The following SH3GL2 variants were observed in gnomAD, a reference collection of about 807,000 sequenced individuals.
SH3GL2 encodes SH3 domain containing GRB2 like 2, endophilin A1.
Under a neutral mutation model 46.0 loss-of-function variants are expected in SH3GL2, and 24 were observed. That is an observed-to-expected ratio of 0.52 (90% CI 0.38 to 0.73). The LOEUF is 0.73. Ranked by LOEUF, SH3GL2 falls within the 30% of genes least tolerant of loss-of-function variation. SH3GL2 has a pLI of 0.00. For missense variants in SH3GL2, 413 were observed against 424.2 expected, an observed-to-expected ratio of 0.97 and a Z score of 0.23; for synonymous variants, 196 against 147.1, an observed-to-expected ratio of 1.33 and a Z score of -2.40.
chr9:17,751,485 T>TGTGC (rs1204723598), intron 2 of SH3GL2, among the ~76,000 whole-genome samples: 1 of 109,004 alleles, frequency 9.2e-6, no homozygotes, highest in Non-Finnish European at 2.4e-5. Context: ...TGTGCGTGTG[T>TGTGC]GTGTGTGTGT....
chr9:17,699,678 G>C (rs1343430044), intron 1 of SH3GL2, among the ~76,000 whole-genome samples: 1 of 152,196 alleles, frequency 6.6e-6, no homozygotes, highest in African/African-American at 2.4e-5. Flanking sequence ...TCATGAGCTT[G>C]AGCTCCCAGC....
At chr9:17,631,502 C>T (rs1032670257) in intron 1 of SH3GL2, among the ~76,000 whole-genome samples, 3 of 152,138 alleles carry the variant, frequency 2.0e-5, no homozygotes, top group Admixed American at 6.5e-5. Flanking sequence ...CAGTTCTGTA[C>T]ATGGAAAATA....
chr9:17,689,668 C>T (rs1821021995), intron 1 of SH3GL2, among the ~76,000 whole-genome samples: 1 of 152,094 alleles, frequency 6.6e-6, no homozygotes, highest in Admixed American at 6.6e-5. Context: ...GTTATTCCTG[C>T]CTTTCATTTG....
Position 17,782,590 on chromosome 9 carries a change from C to G in SH3GL2, c.188-3791C>G, listed in dbSNP as rs535051039. On this transcript the variant is annotated intron_variant, in intron 3 of 8. Transcript: ENST00000380607. Reference sequence around the variant, plus strand: ...TGTGAAGGAAAAGCAGGCCTGGTGCCAAGGAGACCTGCTCTCAAACCATCC... The same window carrying G: ...TGTGAAGGAAAAGCAGGCCTGGTGCGAAGGAGACCTGCTCTCAAACCATCC... Among the ~76,000 whole-genome samples the G allele has an allele frequency of 3.3e-5, 5 of 152,166 alleles. No individual in the cohort carries two copies. The East Asian group carries it at 9.7e-4, about 29-fold the overall frequency.
intron 1 of SH3GL2, among the ~76,000 whole-genome samples, chr9:17,723,038 A>G (rs1389394577): frequency 2.0e-5 from 3 of 152,132 alleles, no homozygotes; most frequent in South Asian, 4.1e-4. Context: ...GCACATTTAA[A>G]ACACACTCAC....
At chr9:17,653,578 C>A (rs55990734) in intron 1 of SH3GL2, among the ~76,000 whole-genome samples, 6,306 of 152,184 alleles carry the variant, frequency 0.041, 197 homozygotes, top group Non-Finnish European at 0.065. Flanking sequence ...GGAGTTATTA[C>A]CTGCTTCTGT....
intron 3 of SH3GL2, among the ~76,000 whole-genome samples, chr9:17,765,772 G>A (rs1461675186): frequency 1.3e-5 from 2 of 152,124 alleles, no homozygotes; most frequent in Admixed American, 6.5e-5. Context: ...TGGGGCACAT[G>A]CCATACTTGT....
At chr9:17,772,725 T>C (rs1022861690) in intron 3 of SH3GL2, among the ~76,000 whole-genome samples, 1 of 152,180 alleles carries the variant, frequency 6.6e-6, no homozygotes, top group Non-Finnish European at 1.5e-5. Context: ...ATAGTGCAAT[T>C]TTTATATAGA....
At chr9:17,621,357 G>C (rs542593629) in intron 1 of SH3GL2, among the ~76,000 whole-genome samples, 1 of 152,170 alleles carries the variant, frequency 6.6e-6, no homozygotes, top group Non-Finnish European at 1.5e-5. Context: ...ATTTATGTCC[G>C]CAACTACGTG....
intron 1 of SH3GL2, among the ~76,000 whole-genome samples, chr9:17,597,292 C>T (rs761819136): frequency 1.3e-5 from 2 of 152,104 alleles, no homozygotes; most frequent in Non-Finnish European, 2.9e-5. Context: ...GAGGCTGAGG[C>T]GGGCAGATCA....
Position 17,791,266 on chromosome 9 carries a change from A to T in SH3GL2, c.660A>T (p.Gln220His). The stretch of plus-strand genomic sequence containing the variant: ...TGAGCCAGCTCTCTGCACTTGTGCA[A>T]GCTCAGCTGGAGTACCACAAGCAGG... ...EQVSQLSALV[Q>H]AQLEYHKQAV... Residue 220 changes from glutamine to histidine, a missense_variant, in exon 7 of 9, where the codon CAA (glutamine) becomes CAT (histidine). By Grantham distance (24) the Gln-to-His change is conservative. This residue lies in a region of SH3GL2 where 248 missense variants were observed against 215.0 expected (regional missense o/e 1.15). Transcript: ENST00000380607. The T allele has an allele frequency of 6.2e-7, 1 of 1,613,762 alleles. No individual in the cohort carries two copies. The highest frequency in any genetic ancestry group is 1.7e-4 in the Middle Eastern group (1 of 6,052).
intron 2 of SH3GL2, among the ~76,000 whole-genome samples, chr9:17,758,198 G>A (rs1240227369): frequency 3.3e-5 from 5 of 152,056 alleles, no homozygotes; most frequent in Non-Finnish European, 5.9e-5. Context: ...ATAAATTAAA[G>A]CGTTAAACAG....
chr9:17,664,600 G>C (rs1588216285), intron 1 of SH3GL2, among the ~76,000 whole-genome samples: 2 of 151,942 alleles, frequency 1.3e-5, no homozygotes. Flanking sequence ...AAACAAGTTT[G>C]ACAAAAAAGC....
rs147746085 is a variant in SH3GL2 at position 17,601,269 on chromosome 9, A to G, written c.45+21982A>G. On this transcript the variant is annotated intron_variant, in intron 1 of 8. Transcript: ENST00000380607. ...TTTTTTGGAATCAATTTTTTTTTTT[A>G]CTAAAGGACATACAGCAAGATGGGT... 1.0e-3 allele frequency among the ~76,000 whole-genome samples: 150 copies of G among 150,676 alleles called. 1 individual carries two copies. The highest frequency in any genetic ancestry group is 3.6e-3 in the African/African-American group (147 of 40,878).
chr9:17,730,383 A>G (rs1001056622), intron 1 of SH3GL2, among the ~76,000 whole-genome samples: 2 of 152,172 alleles, frequency 1.3e-5, no homozygotes, highest in Non-Finnish European at 2.9e-5. Flanking sequence ...TTTTCTAAAT[A>G]TCCAGTCATG....
intron 1 of SH3GL2, among the ~76,000 whole-genome samples, chr9:17,730,692 C>A (rs1179034544): frequency 6.6e-6 from 1 of 152,018 alleles, no homozygotes; most frequent in African/African-American, 2.4e-5. Flanking sequence ...TTACAAAGGC[C>A]TTTTCTGCAT....
At chr9:17,690,352 C>G (rs1169302699) in intron 1 of SH3GL2, among the ~76,000 whole-genome samples, 1 of 152,132 alleles carries the variant, frequency 6.6e-6, no homozygotes, top group Non-Finnish European at 1.5e-5. Flanking sequence ...TTATGGACTC[C>G]TCCAAGCTTT....
rs192518173 is a variant in SH3GL2 at position 17,579,130 on chromosome 9, C to G, written c.-113C>G. ...CTCCGCGCCCTCGCGCCCATAGCCCCGGCGGCGGCACGACCAGAGGCGGCC... is the reference window on the plus strand; with the variant it reads ...CTCCGCGCCCTCGCGCCCATAGCCCGGGCGGCGGCACGACCAGAGGCGGCC... On this transcript the variant is annotated 5_prime_UTR_variant, in exon 1 of 9. Coordinates refer to ENST00000380607, the MANE Select transcript of SH3GL2 (RefSeq NM_003026.5). 6.8e-4 allele frequency: 438 copies of G among 643,160 alleles called. 1 individual carries two copies. In the African/African-American group the frequency reaches 7.5e-3, roughly 11 times the overall value. 39.8% of individuals were successfully genotyped at this position (643,160 alleles called of 1,614,324 possible). A position where few individuals can be genotyped will look rare whatever the true frequency, so the allele number is the denominator to read the frequency against.
chr9:17,773,051 A>G (rs905710150), intron 3 of SH3GL2, among the ~76,000 whole-genome samples: 4 of 152,014 alleles, frequency 2.6e-5, no homozygotes, highest in African/African-American at 9.7e-5. Flanking sequence ...GTGGTATCTC[A>G]TTGTAGTTTT....
Sources: allele counts gnomAD v4.1 joint callset (sites outside exome capture counted in the v4.1 genomes callset), GRCh38; gene constraint gnomAD v4.1.1; regional missense constraint gnomAD v4.1.1; transcripts MANE v1.5; gene names NCBI Gene and HGNC (gene_info 2026-07-23, HGNC 2026-07-21).